TOP3A: variants seen among roughly 807,000 people sequenced by gnomAD.
TOP3A encodes DNA topoisomerase 3-alpha.
In TOP3A, 64 loss-of-function variants were observed where a neutral mutation model predicts 111.3. That is an observed-to-expected ratio of 0.57 (90% CI 0.47 to 0.71). TOP3A has a LOEUF of 0.71. TOP3A is among the 30% of genes least tolerant of loss of function. The pLI, the probability that TOP3A is intolerant of heterozygous loss-of-function variation, is 0.00. For missense variants in TOP3A, 1,104 were observed against 1,285.0 expected (o/e 0.86, Z 2.15); for synonymous variants, 484 against 485.1 (o/e 1.00, Z 0.03).
At chr17:18,275,383 C>T (rs1282326672) in intron 18 of TOP3A, among the ~76,000 whole-genome samples, 2 of 111,132 alleles carry the variant, frequency 1.8e-5, no homozygotes, top group African/African-American at 7.0e-5. Flanking sequence ...ATGGAGTCTT[C>T]GCTCTGTCAC....
At position 18,290,697 on chromosome 17, in the gene TOP3A, C is replaced by A. The variant is rs3817992; in HGVS notation, c.1468-11G>T. On this transcript the variant is annotated splice_polypyrimidine_tract_variant and intron_variant, in intron 12 of 18. Transcript: ENST00000321105. Reference sequence around the variant, plus strand: ...ATAGACAGGGAGGATCTACAGGGAGCGGCAGGTGCAACAGTCAGATGATTC... The same window carrying A: ...ATAGACAGGGAGGATCTACAGGGAGAGGCAGGTGCAACAGTCAGATGATTC... 373,868 of 1,585,798 alleles carry A rather than the reference C, an allele frequency of 0.24. 44,885 individuals are homozygous for A. The highest frequency in any genetic ancestry group is 0.28 in the Middle Eastern group (1,632 of 5,934).
chr17:18,279,684 C>T (rs1230227383), intron 17 of TOP3A, among the ~76,000 whole-genome samples: 1 of 152,076 alleles, frequency 6.6e-6, no homozygotes, highest in Non-Finnish European at 1.5e-5. Flanking sequence ...CCACCAGGCT[C>T]GGCCTATTCA....
At position 18,314,625 on chromosome 17, in the gene TOP3A, G is replaced by A. The variant is rs776815778; in HGVS notation, c.154C>T (p.Leu52=). 3.1e-6 allele frequency: 5 copies of A among 1,611,742 alleles called. No individual in the cohort carries two copies. The highest frequency in any genetic ancestry group is 4.2e-6 in the Non-Finnish European group (5 of 1,178,828). Residue 52 remains leucine, a synonymous_variant, in exon 1 of 19, where the codon CTG becomes TTG. Transcript: ENST00000321105. ...CGCCTCATGCGACCGTTTGACAGCA[G>A]GTCGGCGATCCCCTTGGCCGCGTCG... is the stretch of plus-strand genomic sequence containing the variant. ...KNDAAKGIAD[L]LSNGRMRRRE...
intron 9 of TOP3A, among the ~76,000 whole-genome samples, chr17:18,297,676 C>T (rs1246177883): frequency 6.6e-6 from 1 of 152,068 alleles, no homozygotes; most frequent in Non-Finnish European, 1.5e-5. Flanking sequence ...CCGCCAGCCT[C>T]GGCATCCTGA....
At chr17:18,308,847 T>C (rs1373437605) in intron 2 of TOP3A, 35 bp downstream of exon 2, 10 of 1,385,672 alleles carry the variant, frequency 7.2e-6, no homozygotes, top group Non-Finnish European at 1.0e-5. Context: ...CTCTTGCTTA[T>C]GATTGAAATA....
rs773369328 is a variant in TOP3A at position 18,280,598 on chromosome 17, C to T, written c.2082G>A (p.Ser694=). ...TGCTGTCCCTGCTGGCCTCCAGCAC[C>T]GAGTCAGGAAGCCACACAGCTGAGC... ...ECRSAVWLPD[S]VLEASRDSSV... Residue 694 remains serine (S), a synonymous_variant, in exon 17 of 19, where the codon TCG becomes TCA. Transcript: ENST00000321105. 6.2e-6 allele frequency: 10 copies of T among 1,614,024 alleles called. No individual in the cohort carries two copies. In the South Asian group the frequency reaches 7.7e-5, roughly 12 times the overall value.
intron 9 of TOP3A, among the ~76,000 whole-genome samples, chr17:18,298,840 A>G (rs1981034775): frequency 6.6e-6 from 1 of 152,170 alleles, no homozygotes; most frequent in South Asian, 2.1e-4. Context: ...TTTGTTAAAC[A>G]GATGCTTGAA....
At chr17:18,292,372 T>TG (rs756637323) in intron 11 of TOP3A, among the ~76,000 whole-genome samples, 71 of 151,870 alleles carry the variant, frequency 4.7e-4, no homozygotes, top group Non-Finnish European at 8.8e-4. Flanking sequence ...ACAGTGGAGG[T>TG]GGGGGTCTGC....
chr17:18,310,531 G>A (rs1411053715), intron 1 of TOP3A, among the ~76,000 whole-genome samples: 2 of 152,146 alleles, frequency 1.3e-5, no homozygotes, highest in Non-Finnish European at 2.9e-5. Context: ...AAAAGAGCAT[G>A]TAAGATATGG....
chr17:18,292,182 C>A (rs932595928), intron 11 of TOP3A, among the ~76,000 whole-genome samples: 1 of 152,214 alleles, frequency 6.6e-6, no homozygotes, highest in Middle Eastern at 3.2e-3. Context: ...GCCTGCAGAG[C>A]CTGCCCCTGG....
Position 18,277,717 on chromosome 17 carries a change from G to C in TOP3A, c.2785C>G (p.Gln929Glu). 1 of 1,613,512 alleles carries C rather than the reference G, an allele frequency of 6.2e-7. No individual in the cohort carries two copies. Among genetic ancestry groups the C allele is most frequent in the Non-Finnish European group, 8.5e-7 (1 of 1,179,484 alleles). ...FHTCAKPREQ[Q>E]CGFFQWVDEN... is the part of the protein sequence containing the mutation. ...TCGACCCACTGGAAAAAGCCACACT[G>C]CTGCTCTCTCGGCTTGGCACATGTG... Residue 929 changes from glutamine to glutamate, a missense_variant, in exon 18 of 19, where the codon CAG becomes GAG. Transcript: ENST00000321105.
intron 18 of TOP3A, 66 bp from the exon 19 acceptor site, chr17:18,275,046 C>T (rs1046139093): frequency 7.1e-6 from 11 of 1,556,250 alleles, no homozygotes; most frequent in Middle Eastern, 2.2e-4. Flanking sequence ...GTCCTGAACA[C>T]GGTGGCTCAT....
chr17:18,301,957 T>G lies in TOP3A; in HGVS notation c.843A>C (p.Val281=). The G allele has an allele frequency of 6.2e-7, 1 of 1,614,236 alleles. No individual in the cohort carries two copies. Among genetic ancestry groups the G allele is most frequent in the Non-Finnish European group, 8.5e-7 (1 of 1,180,024 alleles). Residue 281 remains valine (V), a synonymous_variant, in exon 8 of 19, where the codon GTA becomes GTC. Transcript: ENST00000321105. ...KVTHDHKDGI[V]EFNWKRHRLF... ...GTCGATGCCTTTTCCAGTTGAATTC[T>G]ACGATACCATCTTTGTGGTCATGAG...
chr17:18,308,669 G>GCC (rs1341185205), intron 2 of TOP3A: 2 of 432,244 alleles, frequency 4.6e-6, no homozygotes, highest in South Asian at 4.2e-5. Context: ...TTGTATATTA[G>GCC]CTTTTTTTTT....
chr17:18,301,988 A>G lies in TOP3A; in HGVS notation c.815-3T>C. 6.2e-7 allele frequency: 1 copy of G among 1,612,878 alleles called. No individual in the cohort carries two copies. The highest frequency in any genetic ancestry group is 1.1e-5 in the South Asian group (1 of 91,018). The stretch of plus-strand genomic sequence containing the variant: ...ACCATCTTTGTGGTCATGAGTTACT[A>G]TATTAAGGAGAGACAAACAGAAAGG... On this transcript the variant is annotated splice_polypyrimidine_tract_variant and splice_region_variant and intron_variant, in intron 7 of 18. Transcript: ENST00000321105.
At chr17:18,287,984 A>G (rs1047123037) in intron 13 of TOP3A, among the ~76,000 whole-genome samples, 1 of 151,786 alleles carries the variant, frequency 6.6e-6, no homozygotes, top group Non-Finnish European at 1.5e-5. Context: ...CAGCAACAAG[A>G]GCAAAACTCC....
chr17:18,308,670 CT>C (rs10647472), intron 2 of TOP3A: 12,598 of 392,264 alleles, frequency 0.032, 1 homozygote, highest in East Asian at 0.071. Flanking sequence ...TGTATATTAG[CT>C]TTTTTTTTTT....
chr17:18,290,616 C>A lies in TOP3A; in HGVS notation c.1538G>T (p.Ser513Ile), dbSNP rs776709304. The change falls in exon 13 of 19, where the codon AGC becomes ATC. Residue 513 changes from serine to isoleucine, a missense_variant. By Grantham distance (142) the Ser-to-Ile change is moderately radical. Coordinates refer to ENST00000321105, the MANE Select transcript of TOP3A (RefSeq NM_004618.5). ...GGCCTCGGTGAGCAGCTTGGGTGGG[C>A]TGGTCTCCCCGTCCACCATCTCCAC... ...STVEMVDGET[S>I]PPKLLTEADL... 6.2e-7 allele frequency: 1 copy of A among 1,611,268 alleles called. No individual in the cohort carries two copies. The highest frequency in any genetic ancestry group is 2.2e-5 in the East Asian group (1 of 44,812).
At chr17:18,301,864 T>C (rs769841173) in intron 8 of TOP3A, 21 bp downstream of exon 8, 54 of 1,603,358 alleles carry the variant, frequency 3.4e-5, no homozygotes, top group Non-Finnish European at 3.8e-5. Context: ...GAATGTTTCC[T>C]AGATCATTAG....
Sources: allele counts gnomAD v4.1 joint callset (sites outside exome capture counted in the v4.1 genomes callset), GRCh38; gene constraint gnomAD v4.1.1; transcripts MANE v1.5; gene names NCBI Gene and HGNC (gene_info 2026-07-23, HGNC 2026-07-21).